The following TSC22D2 variants were observed in gnomAD, a reference collection of about 807,000 sequenced individuals.
The protein encoded by TSC22D2 is TSC22 domain family member 2.
In TSC22D2, 5 loss-of-function variants were observed where a neutral mutation model predicts 50.1. That is an observed-to-expected ratio of 0.10 (90% CI 0.05 to 0.21). The LOEUF (loss-of-function observed/expected upper bound fraction) is 0.21. Ranked by LOEUF, TSC22D2 falls within the 10% of genes least tolerant of loss-of-function variation. The pLI is 1.00. For missense variants in TSC22D2, 1,003 were observed against 1,015.5 expected (o/e 0.99, Z 0.17); for synonymous variants, 501 against 450.1 (o/e 1.11, Z -1.43).
intron 1 of TSC22D2, among the ~76,000 whole-genome samples, chr3:150,420,529 T>C (rs1273791387): frequency 6.6e-6 from 1 of 152,238 alleles, no homozygotes; most frequent in Non-Finnish European, 1.5e-5. Flanking sequence ...ATTAAGTGTA[T>C]TCTAATATGT....
chr3:150,446,007 T>C (rs1216396098), intron 1 of TSC22D2, among the ~76,000 whole-genome samples: 1 of 149,262 alleles, frequency 6.7e-6, no homozygotes, highest in African/African-American at 2.5e-5. Context: ...GGCAGGAGAA[T>C]CGCTTGAACC....
At position 150,463,771 on chromosome 3, in the gene TSC22D2, AAAAT is replaced by A. The variant is rs544537244; in HGVS notation, c.*5138_*5141del. On this transcript the variant is annotated 3_prime_UTR_variant, in exon 3 of 3. Coordinates refer to ENST00000688009, the MANE Select transcript of TSC22D2 (RefSeq NM_001303264.2). ...CCCGCCATGGAATCATCAAATAAGA[AAAAT>A]AAGACAGATTTTCAGATTGGTGATG... 91 of 152,330 alleles carry A rather than the reference AAAAT, an allele frequency of 6.0e-4. No homozygotes were observed. Among genetic ancestry groups the A allele is most frequent in the African/African-American group, 2.1e-3 (87 of 41,574 alleles). 9.4% of individuals were successfully genotyped at this position (152,330 alleles called of 1,614,324 possible). A position where few individuals can be genotyped will look rare whatever the true frequency, so the allele number is the denominator to read the frequency against.
intron 1 of TSC22D2, among the ~76,000 whole-genome samples, chr3:150,456,626 G>GGAAAA (rs397950938): frequency 1.8e-5 from 1 of 56,718 alleles, no homozygotes; most frequent in African/African-American, 6.8e-5. Flanking sequence ...GGAGGGACTA[G>GGAAAA]AAAAAAAAAA....
intron 1 of TSC22D2, chr3:150,423,321 C>T (rs1720075512): frequency 2.7e-6 from 1 of 376,760 alleles, no homozygotes; most frequent in Non-Finnish European, 4.7e-6. Context: ...TTTCTGCATC[C>T]TGTGTACTTT....
chr3:150,445,341 A>G (rs573701510), intron 1 of TSC22D2, among the ~76,000 whole-genome samples: 1 of 148,826 alleles, frequency 6.7e-6, no homozygotes, highest in African/African-American at 2.4e-5. Context: ...TAATAATAAT[A>G]ATAATAATAA....
At position 150,411,024 on chromosome 3, in the gene TSC22D2, G is replaced by A. The variant is rs201469493; in HGVS notation, c.1674G>A (p.Gly558=). Residue 558 remains glycine, a synonymous_variant, in exon 1 of 3, where the codon GGG becomes GGA. Coordinates refer to ENST00000688009, the MANE Select transcript of TSC22D2 (RefSeq NM_001303264.2). ...GCAGCAGCATAATCCAGCATGTTGG[G>A]CTGCCCTTAGCGCCAGGCACACACA... ...SRSSSIIQHV[G]LPLAPGTHSA... 2 of 1,614,204 alleles carry A rather than the reference G, an allele frequency of 1.2e-6. No homozygotes were observed. Among genetic ancestry groups the A allele is most frequent in the Admixed American group, 3.3e-5 (2 of 60,026 alleles).
At chr3:150,417,059 G>T (rs1477404315) in intron 1 of TSC22D2, among the ~76,000 whole-genome samples, 1 of 152,066 alleles carries the variant, frequency 6.6e-6, no homozygotes, top group Admixed American at 6.6e-5. Flanking sequence ...GTTTGCCTGG[G>T]ACATATACCT....
At chr3:150,431,224 C>CAAAAAAAAAAAAAA (rs71138443) in intron 1 of TSC22D2, among the ~76,000 whole-genome samples, 3 of 27,962 alleles carry the variant, frequency 1.1e-4, no homozygotes, top group African/African-American at 3.3e-4. Context: ...GGCTCTGTCT[C>CAAAAAAAAAAAAAA]AAAAAAAAAA....
chr3:150,409,671 C>T lies in TSC22D2; in HGVS notation c.321C>T (p.Val107=). 6.3e-7 allele frequency: 1 copy of T among 1,594,982 alleles called. No homozygotes were observed. Among genetic ancestry groups the T allele is most frequent in the Non-Finnish European group, 8.5e-7 (1 of 1,171,048 alleles). Reference sequence around the variant, plus strand: ...CTGCTCCCGCCAACGGAGGAGGAGTCGTTTCGGCCCGGAGCGTGTCTGGGG... The same window carrying T: ...CTGCTCCCGCCAACGGAGGAGGAGTTGTTTCGGCCCGGAGCGTGTCTGGGG... ...AAAAPANGGG[V]VSARSVSGAL... Residue 107 remains valine, a synonymous_variant, in exon 1 of 3, where the codon GTC becomes GTT. Transcript: ENST00000688009. The surrounding 1 kb of genome is among the most constrained non-coding windows in gnomAD (Gnocchi z 7.4).
In TSC22D2 at chr3:150,409,768, G is replaced by T; in HGVS notation, c.418G>T (p.Ala140Ser). Residue 140 changes from alanine (A) to serine (S), a missense_variant, in exon 1 of 3, where the codon GCG becomes TCG. By Grantham distance (99) the Ala-to-Ser change is moderately conservative. Transcript: ENST00000688009. The surrounding 1 kb of genome is among the most constrained non-coding windows in gnomAD (Gnocchi z 7.4). Reference sequence around the variant, plus strand: ...CGGAGCACCCGGCGGCCCCCAGCTCGCGGGCTCATCCGCCGGGCCAGTGAC... The same window carrying T: ...CGGAGCACCCGGCGGCCCCCAGCTCTCGGGCTCATCCGCCGGGCCAGTGAC... ...APGAPGGPQL[A>S]GSSAGPVTAA... The T allele has an allele frequency of 5.6e-6, 9 of 1,602,006 alleles. No individual in the cohort carries two copies. The highest frequency in any genetic ancestry group is 7.6e-6 in the Non-Finnish European group (9 of 1,179,066).
At position 150,464,646 on chromosome 3, in the gene TSC22D2, T is replaced by A. The variant is rs941375738; in HGVS notation, c.*6010T>A. The A allele has an allele frequency of 6.6e-6, 1 of 152,170 alleles. No homozygotes were observed. Among genetic ancestry groups the A allele is most frequent in the African/African-American group, 2.4e-5 (1 of 41,436 alleles). The allele number at this position is 152,170 out of a possible 1,614,324, so 9.4% of individuals were successfully genotyped here. A position where few individuals can be genotyped will look rare whatever the true frequency, so the allele number is the denominator to read the frequency against. On this transcript the variant is annotated 3_prime_UTR_variant, in exon 3 of 3. Coordinates refer to ENST00000688009, the MANE Select transcript of TSC22D2 (RefSeq NM_001303264.2). Reference sequence around the variant, plus strand: ...TTGTTAAATGAAAGGTTTTTATAAATCAACAGTAATATTGCCATCCCATGT... The same window carrying A: ...TTGTTAAATGAAAGGTTTTTATAAAACAACAGTAATATTGCCATCCCATGT...
Position 150,457,087 on chromosome 3 carries a change from G to T in TSC22D2, c.1970G>T (p.Gly657Val). Reference sequence around the variant, plus strand: ...CTAATTTTTTCCAGTGCATCTGGGGGAGGTGTTGTAGCCATTGACAACAAA... The same window carrying T: ...CTAATTTTTTCCAGTGCATCTGGGGTAGGTGTTGTAGCCATTGACAACAAA... ...VDGDEDSASG[G>V]GVVAIDNKIE... The change falls in exon 2 of 3, where the codon GGA (glycine) becomes GTA (valine). Residue 657 changes from glycine to valine, a missense_variant. Around this residue, in one of 6 missense-constraint regions of TSC22D2, gnomAD observed 696 missense variants for 647.8 expected, o/e 1.07. Coordinates refer to ENST00000688009, the MANE Select transcript of TSC22D2 (RefSeq NM_001303264.2). 6.2e-7 allele frequency: 1 copy of T among 1,612,260 alleles called. No individual in the cohort carries two copies. Among genetic ancestry groups the T allele is most frequent in the Non-Finnish European group, 8.5e-7 (1 of 1,179,548 alleles).
At chr3:150,423,169 A>C (rs764138853) in intron 1 of TSC22D2, 4 of 1,391,100 alleles carry the variant, frequency 2.9e-6, no homozygotes, top group Admixed American at 3.6e-5. Flanking sequence ...TGTATGCATG[A>C]ATTGCTTTGC....
Position 150,456,180 on chromosome 3 carries a change from G to GT in TSC22D2, c.1959-882dup, listed in dbSNP as rs10603156. On this transcript the variant is annotated intron_variant, in intron 1 of 2. Transcript: ENST00000688009. ...GTCTGCCAGAATGTTGTTTCTTTTT[G>GT]TTTTTTTTTTTTTTGTTTTTTTTTG... 8.7e-3 allele frequency among the ~76,000 whole-genome samples: 1,218 copies of GT among 140,778 alleles called. 8 individuals carry two copies. Among genetic ancestry groups the GT allele is most frequent in the African/African-American group, 0.022 (828 of 37,840 alleles). The allele number at this position is 140,778 out of a possible 152,430, so 92.4% of individuals were successfully genotyped here.
At chr3:150,458,288 T>C (rs982462198) in intron 2 of TSC22D2, 88 bp from the exon 3 acceptor site, 2 of 1,381,936 alleles carry the variant, frequency 1.4e-6, no homozygotes, top group African/African-American at 1.5e-5. Context: ...AAAACTAGTA[T>C]AAAAACTTAG....
intron 1 of TSC22D2, among the ~76,000 whole-genome samples, chr3:150,428,602 A>C (rs911984747): frequency 4.8e-5 from 7 of 147,188 alleles, no homozygotes; most frequent in African/African-American, 1.7e-4. Flanking sequence ...AGTAAAAAAA[A>C]AAAAAAACAT....
rs1382192539 is a variant in TSC22D2, at chr3:150,460,106, C to A, written c.*1470C>A. On this transcript the variant is annotated 3_prime_UTR_variant, in exon 3 of 3. Transcript: ENST00000688009. ...TTTAACATTTTCTGAAATTAAACTG[C>A]AGTTTTGTTGAAATATTTGGCTCTA... The A allele has an allele frequency of 1.3e-5, 2 of 152,028 alleles. No individual in the cohort carries two copies. The highest frequency in any genetic ancestry group is 2.4e-5 in the African/African-American group (1 of 41,390). The allele number at this position is 152,028 out of a possible 1,614,324, so 9.4% of individuals were successfully genotyped here.
chr3:150,434,174 A>T (rs1164527098), intron 1 of TSC22D2, among the ~76,000 whole-genome samples: 1 of 147,854 alleles, frequency 6.8e-6, no homozygotes, highest in South Asian at 2.1e-4. Flanking sequence ...TTTGGGACAG[A>T]GTCTTGCTCT....
chr3:150,426,144 C>T (rs186762318), intron 1 of TSC22D2, among the ~76,000 whole-genome samples: 6 of 152,244 alleles, frequency 3.9e-5, no homozygotes, highest in Non-Finnish European at 5.9e-5. Flanking sequence ...ATACTGATAA[C>T]GCAAAAATAA....
Sources: gnomAD v4.1 joint callset for allele counts (sites outside exome capture counted in the v4.1 genomes callset) on GRCh38, gnomAD v4.1.1 for gene constraint, gnomAD v4.1.1 regional missense constraint, Gnocchi (gnomAD v3.1) non-coding constraint, MANE v1.5 for transcripts, NCBI Gene and HGNC (gene_info 2026-07-23, HGNC 2026-07-21) for gene names.